The following MZT2B variants were observed in gnomAD, a reference collection of about 807,000 sequenced individuals.
MZT2B encodes the protein mitotic spindle organizing protein 2B, also known as mitotic-spindle organizing protein 2B.
In MZT2B, 11 loss-of-function variants were observed where a neutral mutation model predicts 12.1. The ratio of observed to expected loss-of-function variants is 0.91; its 90% CI spans 0.57 to 1.50. The LOEUF (loss-of-function observed/expected upper bound fraction) is 1.50. MZT2B is among the 40% of genes most tolerant of loss of function. The probability of loss-of-function intolerance (pLI) is 0.00; values close to 1 mark genes in which losing one functional copy is unlikely to be tolerated. For synonymous variants in MZT2B, 85 were observed against 109.5 expected (o/e 0.78, Z 1.40); for missense variants, 209 against 227.7 (o/e 0.92, Z 0.53).
chr2:130,189,798 A>T (rs1302621312), intron 2 of MZT2B, among the ~76,000 whole-genome samples: 4 of 152,338 alleles, frequency 2.6e-5, no homozygotes, highest in South Asian at 4.1e-4. Flanking sequence ...ACTCTGAACC[A>T]GTGGTCTTCA....
At chr2:130,197,865 C>T in the MZT2B span, among the ~76,000 whole-genome samples, 180 of 125,368 alleles carry the variant, frequency 1.4e-3, 22 homozygotes, top group African/African-American at 4.9e-3. Flanking sequence ...GCCTCCACCT[C>T]CCCAAGGGCT....
downstream of MZT2B, among the ~76,000 whole-genome samples, chr2:130,193,365 T>C (rs1321269005): frequency 6.6e-6 from 1 of 151,884 alleles, no homozygotes; most frequent in East Asian, 1.9e-4. Context: ...TCCCAGCACT[T>C]TGGGAGGCTG....
At chr2:130,185,219 A>G (rs1453233194) in intron 2 of MZT2B, among the ~76,000 whole-genome samples, 14 of 151,812 alleles carry the variant, frequency 9.2e-5, no homozygotes, top group Admixed American at 2.6e-4. Context: ...GCTGAGGCAG[A>G]AGAATGGCGT....
chr2:130,181,785 C>T (rs556076800), upstream of MZT2B: 1 of 1,547,382 alleles, frequency 6.5e-7, no homozygotes, highest in East Asian at 2.4e-5. Context: ...GTGGCGGCCT[C>T]CGGCGCCCCA....
intron 2 of MZT2B, chr2:130,184,728 C>T: frequency 1.0e-6 from 1 of 985,418 alleles, no homozygotes; most frequent in Non-Finnish European, 1.2e-6. Flanking sequence ...AAACTGGGAA[C>T]AGAGTCCTTG....
chr2:130,191,373 C>T (rs1481000804), downstream of MZT2B, among the ~76,000 whole-genome samples: 2 of 152,096 alleles, frequency 1.3e-5, no homozygotes, highest in Non-Finnish European at 2.9e-5. Flanking sequence ...TCTAAAATGT[C>T]CTGACCTTAC....
At chr2:130,187,563 G>A (rs115961947) in intron 2 of MZT2B, among the ~76,000 whole-genome samples, 130 of 152,270 alleles carry the variant, frequency 8.5e-4, no homozygotes, top group East Asian at 4.5e-3. Context: ...GGGACCAGGC[G>A]TAGGGGCATC....
At chr2:130,191,870 A>G (rs1328126756), downstream of MZT2B, 1 of 1,613,614 alleles carries the variant, frequency 6.2e-7, no homozygotes, top group Non-Finnish European at 8.5e-7. Flanking sequence ...CTTCCACGGA[A>G]TCCACGCCCA....
chr2:130,200,592 A>G, the MZT2B span, among the ~76,000 whole-genome samples: 1 of 152,116 alleles, frequency 6.6e-6, no homozygotes, highest in South Asian at 2.1e-4. Flanking sequence ...TGCACACCTC[A>G]CATAACTCAA....
rs1558773343 is a variant in MZT2B at position 130,182,300 on chromosome 2, AG to A, written c.21del (p.Pro8LeufsTer26). 13 of 1,472,428 alleles carry A rather than the reference AG, an allele frequency of 8.8e-6. No homozygotes were observed. The highest frequency in any genetic ancestry group is 2.4e-4 in the Middle Eastern group (1 of 4,104). The allele number at this position is 1,472,428 out of a possible 1,614,324, so 91.2% of individuals were successfully genotyped here. On this transcript the variant is annotated frameshift_variant, in exon 1 of 3. Transcript: ENST00000281871. LOFTEE classifies it high-confidence loss of function. Reference protein sequence around the residue: MAAQGVGPGPGSAAPPG... With the variant: MAAQGVXPGPGSAAPPG... ...CCGCGGGGATGGCGGCGCAGGGCGTAGGGCCTGGGCCGGGGTCGGCGGCGCC... is the reference window on the plus strand; with the variant it reads ...CCGCGGGGATGGCGGCGCAGGGCGTAGGCCTGGGCCGGGGTCGGCGGCGCC...
intron 2 of MZT2B, among the ~76,000 whole-genome samples, chr2:130,187,229 C>T (rs555777068): frequency 1.3e-5 from 2 of 152,144 alleles, no homozygotes; most frequent in South Asian, 2.1e-4. Context: ...CTTGTTCTGT[C>T]ACCCAGGCTG....
intron 2 of MZT2B, 107 bp from the exon 3 acceptor site, chr2:130,190,362 T>A: frequency 6.6e-7 from 1 of 1,519,826 alleles, no homozygotes. Flanking sequence ...GAAGGGACTT[T>A]GATGGAAATG....
the MZT2B span, among the ~76,000 whole-genome samples, chr2:130,196,907 C>T: frequency 1.3e-5 from 2 of 152,132 alleles, no homozygotes; most frequent in Admixed American, 6.6e-5. Context: ...AGGCCTTCCT[C>T]GCCCTCTGGC....
the MZT2B span, chr2:130,204,288 C>G: frequency 8.7e-6 from 4 of 459,564 alleles, no homozygotes; most frequent in African/African-American, 7.7e-5. Flanking sequence ...TGGCAGAGCT[C>G]TACTCCCAGA....
At chr2:130,194,260 G>C, downstream of MZT2B, 1 of 1,587,794 alleles carries the variant, frequency 6.3e-7, no homozygotes, top group Non-Finnish European at 8.6e-7. Context: ...AATGTTCCAG[G>C]GTCGTGTGGG....
chr2:130,204,362 G>A, the MZT2B span: 2 of 379,114 alleles, frequency 5.3e-6, no homozygotes, highest in Non-Finnish European at 1.1e-5. Context: ...GACATGATGT[G>A]GCAGGAGATC....
intron 2 of MZT2B, chr2:130,183,956 T>C (rs1229616183): frequency 6.4e-7 from 1 of 1,550,414 alleles, no homozygotes; most frequent in African/African-American, 1.4e-5. Context: ...GCCTGTTCTC[T>C]CCTTTTGCAG....
chr2:130,191,866 C>T (rs1376385373), downstream of MZT2B: 24 of 1,612,642 alleles, frequency 1.5e-5, no homozygotes, highest in Admixed American at 8.4e-5. Context: ...TCAGCTTCCA[C>T]GGAATCCACG....
chr2:130,182,159 C>T, upstream of MZT2B: 3 of 1,256,958 alleles, frequency 2.4e-6, no homozygotes, highest in South Asian at 2.3e-5. Flanking sequence ...CCCGTCCCCG[C>T]GCTCCCGCCC....
Sources: gnomAD v4.1 joint callset for allele counts (sites outside exome capture counted in the v4.1 genomes callset) on GRCh38, gnomAD v4.1.1 for gene constraint, MANE v1.5 for transcripts, NCBI Gene and HGNC (gene_info 2026-07-23, HGNC 2026-07-21) for gene names.